NSD1: variants seen among roughly 807,000 people sequenced by gnomAD.
NSD1 encodes the protein histone-lysine N-methyltransferase, H3 lysine-36 specific.
A neutral mutation model predicts 242.7 loss-of-function variants in NSD1; 26 were observed. The ratio of observed to expected loss-of-function variants is 0.11; its 90% CI spans 0.08 to 0.15. The LOEUF (loss-of-function observed/expected upper bound fraction) is 0.15, where lower values mean the gene tolerates loss of function less well. Ranked by LOEUF, NSD1 falls within the 10% of genes least tolerant of loss-of-function variation. The probability of loss-of-function intolerance (pLI) is 1.00; values close to 1 mark genes in which losing one functional copy is unlikely to be tolerated. For synonymous variants in NSD1, 1,106 were observed against 1,178.1 expected (o/e 0.94, Z 1.25); for missense variants, 2,495 against 3,272.8 (o/e 0.76, Z 5.80).
rs779832509 is a variant in NSD1 at position 177,158,297 on chromosome 5, C to CTTTCTTTTCTTTTCT, written c.927+22279_927+22280insTCTTTTCTTTTCTTT. ...TCTTTCTTTCTTTCTTTCTTTCTTT[C>CTTTCTTTTCTTTTCT]TTTCTTTTCTTTCTTTTCTTTCTTT... On this transcript the variant is annotated intron_variant, in intron 2 of 22. Transcript: ENST00000439151. 2.1e-4 allele frequency among the ~76,000 whole-genome samples: 22 copies of CTTTCTTTTCTTTTCT among 104,076 alleles called. No individual in the cohort carries two copies. The South Asian group carries it at 2.4e-3, about 11-fold the overall frequency. 68.3% of individuals were successfully genotyped at this position (104,076 alleles called of 152,430 possible). A position where few individuals can be genotyped will look rare whatever the true frequency, so the allele number is the denominator to read the frequency against.
At chr5:177,173,803 A>T (rs368187637) in intron 2 of NSD1, among the ~76,000 whole-genome samples, 1 of 152,160 alleles carries the variant, frequency 6.6e-6, no homozygotes, top group East Asian at 1.9e-4. Flanking sequence ...AAAAAAGTTT[A>T]TCGACGTGTG....
chr5:177,209,817 A>G lies in NSD1; in HGVS notation c.1418A>G (p.Asn473Ser), dbSNP rs766273184. 2.5e-6 allele frequency: 4 copies of G among 1,614,156 alleles called. No individual in the cohort carries two copies. Among genetic ancestry groups the G allele is most frequent in the Non-Finnish European group, 3.4e-6 (4 of 1,180,030 alleles). Residue 473 changes from asparagine to serine, a missense_variant, in exon 5 of 23, where the codon AAT becomes AGT. Asn to Ser is a conservative substitution (Grantham distance 46). This residue lies in a region of NSD1 where 515 missense variants were observed against 467.0 expected (regional missense o/e 1.10). Transcript: ENST00000439151. Reference protein sequence around the residue: ...DPESEHDLLLNGCLKSLAFDS... With the variant: ...DPESEHDLLLSGCLKSLAFDS... ...GAGTCAGAACATGACCTGTTGCTTA[A>G]TGGCTGTTTGAAATCACTGGCTTTT...
chr5:177,253,045 T>G (rs1756133238), intron 12 of NSD1, among the ~76,000 whole-genome samples: 1 of 151,698 alleles, frequency 6.6e-6, no homozygotes, highest in Admixed American at 6.6e-5. Flanking sequence ...GCCACAGGAG[T>G]CAGGTGTTAT....
At chr5:177,262,163 T>C (rs2149921253) in intron 14 of NSD1, among the ~76,000 whole-genome samples, 1 of 152,362 alleles carries the variant, frequency 6.6e-6, no homozygotes, top group South Asian at 2.1e-4. Context: ...TCATTTTTAA[T>C]CCTCTGTAGG....
intron 6 of NSD1, 33 bp downstream of exon 6, chr5:177,235,978 G>A (rs779080094): frequency 8.7e-6 from 14 of 1,612,558 alleles, no homozygotes; most frequent in Non-Finnish European, 2.5e-6. Context: ...ACTTTCACTG[G>A]TCCTTAGGAA....
In NSD1 at chr5:177,281,195, G is replaced by A. The variant is rs1026915617; in HGVS notation, c.5892+361G>A. 2.0e-5 allele frequency among the ~76,000 whole-genome samples: 3 copies of A among 152,196 alleles called. No homozygotes were observed. In the South Asian group the frequency reaches 6.2e-4, roughly 31 times the overall value. On this transcript the variant is annotated intron_variant, in intron 18 of 22. Transcript: ENST00000439151. The stretch of plus-strand genomic sequence containing the variant: ...CACCTACTAATAAAACATTTTTAGT[G>A]AGGAAAAAACAGGTCTGGCTTCATG...
chr5:177,232,852 T>G, intron 5 of NSD1, among the ~76,000 whole-genome samples: 1 of 152,192 alleles, frequency 6.6e-6, no homozygotes, highest in East Asian at 1.9e-4. Context: ...AGTCAGGCTC[T>G]TGGAGAAACT....
At chr5:177,292,699 A>G (rs1385551531) in intron 22 of NSD1, among the ~76,000 whole-genome samples, 1 of 152,160 alleles carries the variant, frequency 6.6e-6, no homozygotes, top group Admixed American at 6.5e-5. Flanking sequence ...TTTTTCCTCT[A>G]AAGGAGATTT....
At position 177,185,789 on chromosome 5, in the gene NSD1, TTATATA is replaced by T. The variant is rs1158888825; in HGVS notation, c.928-6082_928-6077del. On this transcript the variant is annotated intron_variant, in intron 2 of 22. Transcript: ENST00000439151. ...TATATTTATATATTATATATGTATA[TTATATA>T]TATATATATATAAATTTATATATAT... Among the ~76,000 whole-genome samples the T allele has an allele frequency of 6.3e-4, 15 of 23,796 alleles. No homozygotes were observed. In the African/African-American group the frequency reaches 8.6e-3, roughly 14 times the overall value. 15.6% of individuals were successfully genotyped at this position (23,796 alleles called of 152,430 possible).
intron 2 of NSD1, among the ~76,000 whole-genome samples, chr5:177,185,943 T>TAA (rs1276224030): frequency 2.2e-5 from 2 of 90,442 alleles, no homozygotes; most frequent in African/African-American, 9.3e-5. Flanking sequence ...TAAATATATA[T>TAA]AATATAGTTA....
chr5:177,213,463 GTTTTTTTTTC>G (rs992522348), intron 5 of NSD1, among the ~76,000 whole-genome samples: 11 of 151,264 alleles, frequency 7.3e-5, no homozygotes, highest in African/African-American at 1.9e-4. Context: ...CTGCCTTCAG[GTTTTTTTTTC>G]TTTTTTTTTC....
chr5:177,210,363 G>T lies in NSD1; in HGVS notation c.1964G>T (p.Ser655Ile), dbSNP rs370495638. The T allele has an allele frequency of 1.2e-6, 2 of 1,614,156 alleles. No homozygotes were observed. Among genetic ancestry groups the T allele is most frequent in the Non-Finnish European group, 1.7e-6 (2 of 1,180,034 alleles). ...AGTGACCTGGATCCCATAGAACACA[G>T]CTCAGAGTCTGATAACAGTGTCCTT... is the stretch of plus-strand genomic sequence containing the variant. ...GSSDLDPIEH[S>I]SESDNSVLEI... The change falls in exon 5 of 23, where the codon AGC (serine) becomes ATC (isoleucine). Residue 655 changes from serine to isoleucine, a missense_variant. Physicochemically the swap from Ser to Ile is moderately radical, Grantham distance 142. Around this residue, in one of 19 missense-constraint regions of NSD1, gnomAD observed 515 missense variants for 467.0 expected, o/e 1.10. Coordinates refer to ENST00000439151, the MANE Select transcript of NSD1 (RefSeq NM_022455.5).
Position 177,295,666 on chromosome 5 carries a change from C to T in NSD1, c.*207C>T, listed in dbSNP as rs1760210159. On this transcript the variant is annotated 3_prime_UTR_variant, in exon 23 of 23. Transcript: ENST00000439151. The surrounding 1 kb of genome is among the most constrained non-coding windows in gnomAD (Gnocchi z 4.3). ...GTTGTGTGAACCATGTATGAAAATC[C>T]AGTGGGCCCCAACCAAGGAGACAGA... 1.6e-6 allele frequency: 1 copy of T among 636,904 alleles called. No individual in the cohort carries two copies. The highest frequency in any genetic ancestry group is 1.9e-5 in the South Asian group (1 of 53,920). The allele number at this position is 636,904 out of a possible 1,614,324, so 39.5% of individuals were successfully genotyped here. A position where few individuals can be genotyped will look rare whatever the true frequency, so the allele number is the denominator to read the frequency against.
chr5:177,248,486 CAAAG>C (rs1766476238), intron 11 of NSD1, among the ~76,000 whole-genome samples, 162 bp downstream of exon 11: 1 of 152,024 alleles, frequency 6.6e-6, no homozygotes, highest in Non-Finnish European at 1.5e-5. Context: ...TTTCTCCCCA[CAAAG>C]AAAGATACTT....
At position 177,269,651 on chromosome 5, in the gene NSD1, G is replaced by C. The variant is rs1384505425; in HGVS notation, c.5353G>C (p.Asp1785His). The change falls in exon 16 of 23, where the codon GAT (aspartate) becomes CAT (histidine). Residue 1785 changes from aspartate (D) to histidine (H), a missense_variant. This residue lies in a region of NSD1 where 25 missense variants were observed against 49.7 expected (regional missense o/e 0.50). Transcript: ENST00000439151. The surrounding 1 kb of genome is among the most constrained non-coding windows in gnomAD (Gnocchi z 5.1). ...TCCTCGAGCTGTTCCTTCCAACATT[G>C]ATAAGATGAGACATGATGTGGGAGA... The part of the protein sequence containing the change: ...CHPRAVPSNI[D>H]KMRHDVGEFP... The C allele has an allele frequency of 6.2e-7, 1 of 1,614,110 alleles. No homozygotes were observed. Among genetic ancestry groups the C allele is most frequent in the East Asian group, 2.2e-5 (1 of 44,878 alleles).
intron 20 of NSD1, chr5:177,288,376 G>C (rs1043749903): frequency 4.8e-6 from 1 of 209,166 alleles, no homozygotes; most frequent in African/African-American, 2.4e-5. Context: ...CAGATTTCTA[G>C]TGTTATTCTG....
intron 2 of NSD1, among the ~76,000 whole-genome samples, chr5:177,179,038 G>A (rs1246336848): frequency 6.6e-6 from 1 of 152,110 alleles, no homozygotes; most frequent in Non-Finnish European, 1.5e-5. Context: ...AAAATGAAGC[G>A]TGCCTTAGAT....
chr5:177,256,006 T>TAACA (rs1313953294), intron 12 of NSD1, among the ~76,000 whole-genome samples: 2 of 152,228 alleles, frequency 1.3e-5, no homozygotes, highest in African/African-American at 4.8e-5. Flanking sequence ...AAAAGGTTTC[T>TAACA]AACACAACAT....
chr5:177,195,953 T>C (rs374046740), intron 3 of NSD1, among the ~76,000 whole-genome samples: 1 of 152,156 alleles, frequency 6.6e-6, no homozygotes, highest in Non-Finnish European at 1.5e-5. Flanking sequence ...CAGAAAATAA[T>C]CAAATGCATT....
Sources: gnomAD v4.1 joint callset for allele counts (sites outside exome capture counted in the v4.1 genomes callset) on GRCh38, gnomAD v4.1.1 for gene constraint, gnomAD v4.1.1 regional missense constraint, Gnocchi (gnomAD v3.1) non-coding constraint, MANE v1.5 for transcripts, NCBI Gene and HGNC (gene_info 2026-07-23, HGNC 2026-07-21) for gene names.